The following LPAR6 variants were observed in gnomAD, a reference collection of about 807,000 sequenced individuals.
LPAR6 encodes lysophosphatidic acid receptor 6.
A neutral mutation model predicts 22.0 loss-of-function variants in LPAR6; 17 were observed. The ratio of observed to expected loss-of-function variants is 0.77; its 90% CI spans 0.53 to 1.16. The LOEUF (loss-of-function observed/expected upper bound fraction) is 1.16. Ranked by LOEUF, LPAR6 falls within the 50% of genes most tolerant of loss-of-function variation. The pLI, the probability that LPAR6 is intolerant of heterozygous loss-of-function variation, is 0.00. For synonymous variants in LPAR6, 136 were observed against 139.8 expected, an observed-to-expected ratio of 0.97 and a Z score of 0.19; for missense variants, 384 against 406.9, an observed-to-expected ratio of 0.94 and a Z score of 0.48.
Position 48,411,859 on chromosome 13 carries a change from C to T in LPAR6, c.565G>A (p.Glu189Lys), listed in dbSNP as rs121434309. 1.4e-5 allele frequency: 22 copies of T among 1,613,606 alleles called. No homozygotes were observed. Among genetic ancestry groups the T allele is most frequent in the Middle Eastern group, 1.6e-4 (1 of 6,084 alleles). The stretch of plus-strand genomic sequence containing the variant: ...AGAGGAATAAAAAATCCCACTATTT[C>T]GATGAAAATTACAATCCTTGAGAGA... ...TYLSRIVIFI[E>K]IVGFFIPLIL... Residue 189 changes from glutamate to lysine, a missense_variant, in exon 1 of 1, where the codon GAA (glutamate) becomes AAA (lysine). Physicochemically the swap from Glu to Lys is moderately conservative, Grantham distance 56 (BLOSUM62 1). Coordinates refer to ENST00000620633, the MANE Select transcript of LPAR6 (RefSeq NM_001162498.3).
rs1294537805 is a variant in LPAR6, at chr13:48,411,885, T to G, written c.539A>C (p.Tyr180Ser). The change falls in exon 1 of 1, where the codon TAT becomes TCT. Residue 180 changes from tyrosine to serine, a missense_variant. Tyr to Ser is a moderately radical substitution (Grantham distance 144). Transcript: ENST00000620633. ...GATGAAAATTACAATCCTTGAGAGA[T>G]ATGTTTTCCATGTGGCTTCTGGAAA... ...ENFPEATWKT[Y>S]LSRIVIFIEI... The G allele has an allele frequency of 2.5e-6, 4 of 1,613,840 alleles. No individual in the cohort carries two copies. Among genetic ancestry groups the G allele is most frequent in the Non-Finnish European group, 3.4e-6 (4 of 1,179,872 alleles).
upstream of LPAR6, among the ~76,000 whole-genome samples, chr13:48,414,787 A>G (rs568236262): frequency 1.6e-4 from 24 of 152,360 alleles, no homozygotes; most frequent in South Asian, 2.5e-3. Flanking sequence ...AATGACAAAA[A>G]AAGATGAGTA....
At chr13:48,409,322 T>C (rs764547968), downstream of LPAR6, among the ~76,000 whole-genome samples, 4 of 151,902 alleles carry the variant, frequency 2.6e-5, no homozygotes, top group African/African-American at 4.8e-5. Context: ...CCCCCCACTG[T>C]TATTTTATTG....
In LPAR6 at chr13:48,411,780, A is replaced by G. The variant is rs764966122; in HGVS notation, c.644T>C (p.Val215Ala). The G allele has an allele frequency of 1.9e-6, 3 of 1,611,930 alleles. No homozygotes were observed. The highest frequency in any genetic ancestry group is 2.5e-6 in the Non-Finnish European group (3 of 1,178,152). ...SMVLKTLTKPVTLSRSKINKT... is the reference protein window; with the variant it reads ...SMVLKTLTKPATLSRSKINKT... ...GTTTATTTTGCTTCTACTTAATGTA[A>G]CAGGTTTGGTTAAAGTTTTTAGCAC... is the stretch of plus-strand genomic sequence containing the variant. Residue 215 changes from valine (V) to alanine (A), a missense_variant, in exon 1 of 1, where the codon GTT becomes GCT. Physicochemically the swap from Val to Ala is moderately conservative, Grantham distance 64 (BLOSUM62 0). Transcript: ENST00000620633.
intron 1 of LPAR6, among the ~76,000 whole-genome samples, chr13:48,395,044 G>C (rs1566204148): frequency 6.6e-6 from 1 of 151,792 alleles, no homozygotes; most frequent in Non-Finnish European, 1.5e-5. Context: ...AGCTTCCAGA[G>C]GAAGGAACAG....
chr13:48,398,703 AC>A, intron 1 of LPAR6, among the ~76,000 whole-genome samples: 1 of 152,210 alleles, frequency 6.6e-6, no homozygotes, highest in South Asian at 2.1e-4. Context: ...CTGTCACTGT[AC>A]TACATTATTT....
At chr13:48,393,487 T>C (rs1192280512) in intron 1 of LPAR6, among the ~76,000 whole-genome samples, 1 of 152,210 alleles carries the variant, frequency 6.6e-6, no homozygotes. Flanking sequence ...CTGTTGTTTA[T>C]TGTGTAAAAA....
chr13:48,402,379 C>CTTTT (rs545934425), intron 1 of LPAR6, among the ~76,000 whole-genome samples: 2 of 125,716 alleles, frequency 1.6e-5, no homozygotes. Context: ...TGTAGAAAAC[C>CTTTT]TTTTTTTTTT....
chr13:48,394,793 G>C (rs539521972), intron 1 of LPAR6, among the ~76,000 whole-genome samples: 3 of 152,324 alleles, frequency 2.0e-5, no homozygotes, highest in South Asian at 2.1e-4. Context: ...CAGAGCACGT[G>C]GGGGAAGGCG....
chr13:48,440,056 A>G (rs976562676), intron 1 of LPAR6, among the ~76,000 whole-genome samples: 2 of 152,162 alleles, frequency 1.3e-5, no homozygotes. Flanking sequence ...TAGTAGGATT[A>G]CATTAGAATC....
intron 1 of LPAR6, among the ~76,000 whole-genome samples, chr13:48,436,787 A>G (rs961347175): frequency 2.0e-5 from 3 of 152,204 alleles, no homozygotes; most frequent in Admixed American, 6.5e-5. Flanking sequence ...TCTATTTTCT[A>G]TTCTAGTTTC....
upstream of LPAR6, among the ~76,000 whole-genome samples, chr13:48,418,072 A>T (rs1309633831): frequency 1.3e-5 from 2 of 152,222 alleles, no homozygotes; most frequent in Non-Finnish European, 2.9e-5. Flanking sequence ...CCCAAGACAC[A>T]TAATCGTCAG....
chr13:48,416,420 G>A (rs116183893), upstream of LPAR6: 1,267 of 152,364 alleles, frequency 8.3e-3, 15 homozygotes, highest in African/African-American at 0.029. Context: ...TGCCTTTTCC[G>A]TGATCTTCAC....
chr13:48,415,297 CT>C (rs947508418), upstream of LPAR6, among the ~76,000 whole-genome samples: 19 of 147,294 alleles, frequency 1.3e-4, no homozygotes, highest in East Asian at 5.9e-4. Flanking sequence ...TTCTTTCTTT[CT>C]TTTTTTTTTC....
intron 1 of LPAR6, among the ~76,000 whole-genome samples, chr13:48,423,361 G>A (rs552313188): frequency 1.3e-5 from 2 of 151,944 alleles, no homozygotes; most frequent in South Asian, 2.1e-4. Flanking sequence ...TGCAACCTCC[G>A]CAGGTTGGGT....
chr13:48,402,087 G>A (rs1948697104), intron 1 of LPAR6, among the ~76,000 whole-genome samples: 1 of 152,042 alleles, frequency 6.6e-6, no homozygotes, highest in Non-Finnish European at 1.5e-5. Flanking sequence ...GTGGAGAAGT[G>A]AAATTACTTG....
At chr13:48,436,536 G>T (rs569358742) in intron 1 of LPAR6, among the ~76,000 whole-genome samples, 48 of 151,946 alleles carry the variant, frequency 3.2e-4, no homozygotes, top group Non-Finnish European at 5.6e-4. Context: ...CCAGCTACTC[G>T]GGAGGCTGAG....
Position 48,412,482 on chromosome 13 carries a change from G to T in LPAR6, c.-59C>A. On this transcript the variant is annotated 5_prime_UTR_variant, in exon 1 of 1. Transcript: ENST00000620633. ...ACTTTCATCAGCTGCAGTCTCCTTT[G>T]GGATTCAGATTATAACCTCTATAAC... 1 of 1,117,812 alleles carries T rather than the reference G, an allele frequency of 8.9e-7. No homozygotes were observed. Among genetic ancestry groups the T allele is most frequent in the South Asian group, 1.2e-5 (1 of 81,028 alleles). The allele number at this position is 1,117,812 out of a possible 1,614,324, so 69.2% of individuals were successfully genotyped here.
intron 1 of LPAR6, among the ~76,000 whole-genome samples, chr13:48,403,551 C>G (rs571706191): frequency 4.7e-4 from 71 of 152,204 alleles, no homozygotes; most frequent in African/African-American, 1.6e-3. Context: ...TAGAGAGCCC[C>G]CAAGCTCAAA....
Sources: gnomAD v4.1 joint callset for allele counts (sites outside exome capture counted in the v4.1 genomes callset) on GRCh38, gnomAD v4.1.1 for gene constraint, MANE v1.5 for transcripts, NCBI Gene and HGNC (gene_info 2026-07-23, HGNC 2026-07-21) for gene names.